The following ZHX3 variants were observed in gnomAD, a reference collection of about 807,000 sequenced individuals.
ZHX3 encodes zinc fingers and homeoboxes 3, also known as zinc fingers and homeoboxes protein 3.
Under a neutral mutation model 64.5 loss-of-function variants are expected in ZHX3, and 20 were observed. That is an observed-to-expected ratio of 0.31 (90% CI 0.22 to 0.45). The LOEUF (loss-of-function observed/expected upper bound fraction) is 0.45. Among genes scored for constraint, ZHX3 ranks in the 20% least tolerant of loss-of-function variants. The probability of loss-of-function intolerance (pLI) is 1.00; values close to 1 mark genes in which losing one functional copy is unlikely to be tolerated. For missense variants in ZHX3, 1,041 were observed against 1,195.8 expected, an observed-to-expected ratio of 0.87 and a Z score of 1.91; for synonymous variants, 423 against 461.6, an observed-to-expected ratio of 0.92 and a Z score of 1.07.
chr20:41,215,496 A>G (rs182614301), intron 2 of ZHX3, among the ~76,000 whole-genome samples: 120 of 152,250 alleles, frequency 7.9e-4, no homozygotes, highest in African/African-American at 2.7e-3. Context: ...GAACTTTAAA[A>G]AATTCTGAGG....
In ZHX3 at chr20:41,200,658, G is replaced by C. The variant is rs1467052391; in HGVS notation, c.2860+1399C>G. Among the ~76,000 whole-genome samples the C allele has an allele frequency of 6.6e-6, 1 of 152,174 alleles. No individual in the cohort carries two copies. The highest frequency in any genetic ancestry group is 1.9e-4 in the East Asian group (1 of 5,190). ...ACTCCTACCCTAAGTGCTGACCAGG[G>C]CTTTGGGCTCCACCAGGTGTTTGCT... On this transcript the variant is annotated intron_variant, in intron 3 of 3. Coordinates refer to ENST00000683867, the MANE Select transcript of ZHX3 (RefSeq NM_001384317.1). The surrounding 1 kb of genome is among the most constrained non-coding windows in gnomAD (Gnocchi z 4.2).
At chr20:41,189,383 T>C (rs1030580855) in intron 3 of ZHX3, among the ~76,000 whole-genome samples, 5 of 152,184 alleles carry the variant, frequency 3.3e-5, no homozygotes, top group African/African-American at 1.2e-4. Flanking sequence ...AAAAATCACA[T>C]TGGTATTTTG....
chr20:41,235,933 C>A (rs2040951159), intron 2 of ZHX3, among the ~76,000 whole-genome samples: 1 of 152,166 alleles, frequency 6.6e-6, no homozygotes, highest in African/African-American at 2.4e-5. Flanking sequence ...TCTCAGCATA[C>A]AAAATCAATG....
At chr20:41,206,510 C>T (rs2038721884) in intron 2 of ZHX3, among the ~76,000 whole-genome samples, 1 of 152,126 alleles carries the variant, frequency 6.6e-6, no homozygotes, top group Admixed American at 6.5e-5. Context: ...GACGCATGCA[C>T]AAGCTTCAGT....
chr20:41,198,198 A>G (rs986728253), intron 3 of ZHX3, among the ~76,000 whole-genome samples: 1 of 151,938 alleles, frequency 6.6e-6, no homozygotes, highest in Non-Finnish European at 1.5e-5. Context: ...GGTTTTCACC[A>G]TGTTGGCCAG....
At chr20:41,303,168 C>T (rs1360111914) in intron 1 of ZHX3, among the ~76,000 whole-genome samples, 5 of 152,220 alleles carry the variant, frequency 3.3e-5, no homozygotes, top group Admixed American at 6.5e-5. Flanking sequence ...TGATAAGTGG[C>T]GAAGCCAAAC....
chr20:41,279,130 T>C (rs1475374361), intron 1 of ZHX3, among the ~76,000 whole-genome samples: 1 of 152,188 alleles, frequency 6.6e-6, no homozygotes, highest in Non-Finnish European at 1.5e-5. Context: ...CCATGATTAC[T>C]TCCTTGGGAT....
At chr20:41,293,437 T>A (rs2044350436) in intron 1 of ZHX3, among the ~76,000 whole-genome samples, 1 of 151,966 alleles carries the variant, frequency 6.6e-6, no homozygotes. Flanking sequence ...AGAACCCTCA[T>A]CAAATCCCAA....
Position 41,232,446 on chromosome 20 carries a change from A to G in ZHX3, c.-150-27380T>C, listed in dbSNP as rs2040674491. ...GTGGGTAGGGTGTGTTCAGGTCTTC[A>G]ACAGTCCTTTGTTGAGGGCAAATTC... On this transcript the variant is annotated intron_variant, in intron 2 of 3. Coordinates refer to ENST00000683867, the MANE Select transcript of ZHX3 (RefSeq NM_001384317.1). This position sits in a 1 kb window ranked among gnomAD's most constrained non-coding sequence, Gnocchi z 5.0. Among the ~76,000 whole-genome samples the G allele has an allele frequency of 6.6e-6, 1 of 152,220 alleles. No homozygotes were observed. Among genetic ancestry groups the G allele is most frequent in the African/African-American group, 2.4e-5 (1 of 41,452 alleles).
At position 41,200,767 on chromosome 20, in the gene ZHX3, G is replaced by A. The variant is rs1449059940; in HGVS notation, c.2860+1290C>T. On this transcript the variant is annotated intron_variant, in intron 3 of 3. Transcript: ENST00000683867. This position sits in a 1 kb window ranked among gnomAD's most constrained non-coding sequence, Gnocchi z 4.2. ...GGCTTTCTGCAAATGCTAAACAGAT[G>A]GATGACATGGTACTCCCCGCCCCCA... Among the ~76,000 whole-genome samples the A allele has an allele frequency of 6.6e-6, 1 of 152,180 alleles. No individual in the cohort carries two copies. The highest frequency in any genetic ancestry group is 1.9e-4 in the East Asian group (1 of 5,192).
rs2036450844 is a variant in ZHX3, at chr20:41,185,575, C to T, written c.2861-374G>A. ...CTTCATCCTGCCCTCTCCTTCCAGG[C>T]TCTCCAGAACATACTGTTCCAATAT... On this transcript the variant is annotated intron_variant, in intron 3 of 3. Coordinates refer to ENST00000683867, the MANE Select transcript of ZHX3 (RefSeq NM_001384317.1). This position sits in a 1 kb window ranked among gnomAD's most constrained non-coding sequence, Gnocchi z 5.0. The T allele has an allele frequency of 2.6e-6, 1 of 388,640 alleles. No individual in the cohort carries two copies. The highest frequency in any genetic ancestry group is 4.4e-5 in the East Asian group (1 of 22,612). 24.1% of individuals were successfully genotyped at this position (388,640 alleles called of 1,614,324 possible). A position where few individuals can be genotyped will look rare whatever the true frequency, so the allele number is the denominator to read the frequency against.
At chr20:41,266,248 AGAGTGGC>A (rs1470241488) in intron 2 of ZHX3, among the ~76,000 whole-genome samples, 1 of 152,236 alleles carries the variant, frequency 6.6e-6, no homozygotes, top group Non-Finnish European at 1.5e-5. Flanking sequence ...AGGTAGAAGC[AGAGTGGC>A]AGAAATGAGG....
At chr20:41,299,228 T>C (rs774755058) in intron 1 of ZHX3, among the ~76,000 whole-genome samples, 3 of 152,242 alleles carry the variant, frequency 2.0e-5, no homozygotes, top group Non-Finnish European at 4.4e-5. Context: ...AGAGGCATTC[T>C]AGTTAAAGGT....
intron 2 of ZHX3, among the ~76,000 whole-genome samples, chr20:41,253,927 A>T (rs1286349793): frequency 1.3e-5 from 2 of 151,660 alleles, no homozygotes; most frequent in African/African-American, 4.8e-5. Flanking sequence ...AGTATGTTTG[A>T]AATTTTTCAT....
At position 41,232,885 on chromosome 20, in the gene ZHX3, G is replaced by C. The variant is rs1480862258; in HGVS notation, c.-150-27819C>G. On this transcript the variant is annotated intron_variant, in intron 2 of 3. Transcript: ENST00000683867. This position sits in a 1 kb window ranked among gnomAD's most constrained non-coding sequence, Gnocchi z 5.0. Reference sequence around the variant, plus strand: ...CAGGCATGAGCCACCACGCCCGGCTGGAAAATTCTTGATATGTATCAGTAT... The same window carrying C: ...CAGGCATGAGCCACCACGCCCGGCTCGAAAATTCTTGATATGTATCAGTAT... 6.6e-6 allele frequency among the ~76,000 whole-genome samples: 1 copy of C among 152,150 alleles called. No individual in the cohort carries two copies. Among genetic ancestry groups the C allele is most frequent in the Non-Finnish European group, 1.5e-5 (1 of 68,034 alleles).
chr20:41,246,059 T>G (rs2041670938), intron 2 of ZHX3, among the ~76,000 whole-genome samples: 1 of 152,172 alleles, frequency 6.6e-6, no homozygotes, highest in Non-Finnish European at 1.5e-5. Context: ...TGATATAGAG[T>G]AGGCCAGTTT....
chr20:41,211,226 C>T lies in ZHX3; in HGVS notation c.-150-6160G>A, dbSNP rs75152710. Among the ~76,000 whole-genome samples, 54 of 152,196 alleles carry T rather than the reference C, an allele frequency of 3.5e-4. No individual in the cohort carries two copies. In the East Asian group the frequency reaches 7.3e-3, roughly 21 times the overall value. ...AATGATAATCATCATTATTACTTTT[C>T]GTTTTAGCAAATCATAATGCTCTAA... On this transcript the variant is annotated intron_variant, in intron 2 of 3. Coordinates refer to ENST00000683867, the MANE Select transcript of ZHX3 (RefSeq NM_001384317.1).
At chr20:41,211,850 C>T (rs2039181001) in intron 2 of ZHX3, among the ~76,000 whole-genome samples, 1 of 152,200 alleles carries the variant, frequency 6.6e-6, no homozygotes, top group Non-Finnish European at 1.5e-5. Flanking sequence ...TCTCAAAGAG[C>T]ATCAACATTT....
chr20:41,225,863 C>A (rs1240494767), intron 2 of ZHX3, among the ~76,000 whole-genome samples: 1 of 152,194 alleles, frequency 6.6e-6, no homozygotes, highest in Non-Finnish European at 1.5e-5. Flanking sequence ...ATGCCCAGAA[C>A]TTTTTAATCT....
Sources: allele counts gnomAD v4.1 joint callset (sites outside exome capture counted in the v4.1 genomes callset), GRCh38; gene constraint gnomAD v4.1.1; non-coding constraint Gnocchi (gnomAD v3.1); transcripts MANE v1.5; gene names NCBI Gene and HGNC (gene_info 2026-07-23, HGNC 2026-07-21).